LEPROT: variants seen among roughly 807,000 people sequenced by gnomAD.
LEPROT encodes the protein leptin receptor gene-related protein.
In LEPROT, 3 loss-of-function variants were observed where a neutral mutation model predicts 15.4. The ratio of observed to expected loss-of-function variants is 0.19; its 90% CI spans 0.09 to 0.50. The LOEUF (loss-of-function observed/expected upper bound fraction) is 0.50, where lower values mean the gene tolerates loss of function less well. Ranked by LOEUF, LEPROT falls within the 20% of genes least tolerant of loss-of-function variation. LEPROT has a pLI of 0.97. For synonymous variants in LEPROT, 59 were observed against 57.5 expected, an observed-to-expected ratio of 1.03 and a Z score of -0.12; for missense variants, 137 against 162.2, an observed-to-expected ratio of 0.84 and a Z score of 0.84.
At position 65,433,703 on chromosome 1, in the gene LEPROT, T is replaced by A; in HGVS notation, c.*1784T>A. On this transcript the variant is annotated 3_prime_UTR_variant, in exon 4 of 4. Coordinates refer to ENST00000371065, the MANE Select transcript of LEPROT (RefSeq NM_017526.5). Reference sequence around the variant, plus strand: ...TGTTAAAGTTGTCATTTCCAATATTTATATTAGAAAAATTATTTAGATACT... The same window carrying A: ...TGTTAAAGTTGTCATTTCCAATATTAATATTAGAAAAATTATTTAGATACT... 1.1e-6 allele frequency: 1 copy of A among 948,632 alleles called. No homozygotes were observed. Among genetic ancestry groups the A allele is most frequent in the Non-Finnish European group, 1.3e-6 (1 of 796,672 alleles). The allele number at this position is 948,632 out of a possible 1,614,324, so 58.8% of individuals were successfully genotyped here.
intron 3 of LEPROT, 121 bp from the exon 4 acceptor site, chr1:65,431,682 A>T: frequency 2.1e-6 from 2 of 967,230 alleles, no homozygotes; most frequent in South Asian, 3.3e-5. Context: ...TACATTATTA[A>T]GCCTTTTAGC....
rs1176391457 is a variant in LEPROT at position 65,432,357 on chromosome 1, G to A, written c.*438G>A. The stretch of plus-strand genomic sequence containing the variant: ...ATTAAAAGTGTGGCCCACAGACCAA[G>A]AGCCTCAACATTTCCTAGAGCCTTA... On this transcript the variant is annotated 3_prime_UTR_variant, in exon 4 of 4. Coordinates refer to ENST00000371065, the MANE Select transcript of LEPROT (RefSeq NM_017526.5). The A allele has an allele frequency of 1.0e-6, 1 of 977,804 alleles. No homozygotes were observed. The highest frequency in any genetic ancestry group is 1.2e-6 in the Non-Finnish European group (1 of 822,870). 60.6% of individuals were successfully genotyped at this position (977,804 alleles called of 1,614,324 possible).
In LEPROT at chr1:65,431,076, A is replaced by G. The variant is rs144914027; in HGVS notation, c.280-727A>G. ...CTGATTAGCAATGGTCTTGAACCCC[A>G]TGCCAGTTTGATCTTTGTCTAGATA... On this transcript the variant is annotated intron_variant, in intron 3 of 3. Transcript: ENST00000371065. 3.9e-5 allele frequency among the ~76,000 whole-genome samples: 6 copies of G among 152,326 alleles called. No homozygotes were observed. In the East Asian group the frequency reaches 9.6e-4, roughly 24 times the overall value.
Position 65,425,354 on chromosome 1 carries a change from T to G in LEPROT, c.68T>G (p.Leu23Arg). 6.2e-7 allele frequency: 1 copy of G among 1,606,266 alleles called. No homozygotes were observed. Among genetic ancestry groups the G allele is most frequent in the South Asian group, 1.1e-5 (1 of 89,200 alleles). The change falls in exon 2 of 4, where the codon CTG becomes CGG. Residue 23 changes from leucine to arginine, a missense_variant. Physicochemically the swap from Leu to Arg is moderately radical, Grantham distance 102. Transcript: ENST00000371065. ...GCTATTGGACTGACTTTTCTTATGCTGGGATGTGCCTTAGAGGATTATGGG... is the reference window on the plus strand; with the variant it reads ...GCTATTGGACTGACTTTTCTTATGCGGGGATGTGCCTTAGAGGATTATGGG... ...SGAIGLTFLM[L>R]GCALEDYGVY...
At chr1:65,425,426 C>A in intron 2 of LEPROT, 48 bp downstream of exon 2, 1 of 1,518,154 alleles carries the variant, frequency 6.6e-7, no homozygotes, top group Non-Finnish European at 9.0e-7. Flanking sequence ...GTGTCTTTGT[C>A]ACTATTAGTA....
At chr1:65,421,069 C>A (rs1441093023) in intron 1 of LEPROT, among the ~76,000 whole-genome samples, 1 of 152,352 alleles carries the variant, frequency 6.6e-6, no homozygotes, top group South Asian at 2.1e-4. Context: ...CTTCTTGACG[C>A]CACCCTAACG....
chr1:65,429,708 T>A (rs1468847617), intron 2 of LEPROT, among the ~76,000 whole-genome samples, 154 bp from the exon 3 acceptor site: 3 of 152,238 alleles, frequency 2.0e-5, no homozygotes, highest in African/African-American at 4.8e-5. Context: ...TATCTATCCC[T>A]GGTAGAAATC....
chr1:65,431,994 TTAC>T lies in LEPROT; in HGVS notation c.*78_*80del. On this transcript the variant is annotated 3_prime_UTR_variant, in exon 4 of 4. Transcript: ENST00000371065. ...TGTATACATGTGCACATGCGGCATT[TTAC>T]TATGAAATTTAATATGCTGGGTTTT... 1 of 1,494,992 alleles carries T rather than the reference TTAC, an allele frequency of 6.7e-7. No homozygotes were observed. The highest frequency in any genetic ancestry group is 8.9e-7 in the Non-Finnish European group (1 of 1,124,244). 92.6% of individuals were successfully genotyped at this position (1,494,992 alleles called of 1,614,324 possible).
rs1415527482 is a variant in LEPROT, at chr1:65,435,958, A to T, written c.*4039A>T. On this transcript the variant is annotated 3_prime_UTR_variant, in exon 4 of 4. Coordinates refer to ENST00000371065, the MANE Select transcript of LEPROT (RefSeq NM_017526.5). ...AGTGATACATGTAACCCCAAATGTG[A>T]TGTGAGAGGACGATTACTTTGTAAA... 1.0e-6 allele frequency: 1 copy of T among 985,120 alleles called. No homozygotes were observed. Among genetic ancestry groups the T allele is most frequent in the Non-Finnish European group, 1.2e-6 (1 of 829,736 alleles). 61.0% of individuals were successfully genotyped at this position (985,120 alleles called of 1,614,324 possible).
At position 65,434,697 on chromosome 1, in the gene LEPROT, C is replaced by G. The variant is rs925667026; in HGVS notation, c.*2778C>G. 8 of 985,264 alleles carry G rather than the reference C, an allele frequency of 8.1e-6. No homozygotes were observed. In the African/African-American group the frequency reaches 1.2e-4, roughly 15 times the overall value. 61.0% of individuals were successfully genotyped at this position (985,264 alleles called of 1,614,324 possible). A position where few individuals can be genotyped will look rare whatever the true frequency, so the allele number is the denominator to read the frequency against. On this transcript the variant is annotated 3_prime_UTR_variant, in exon 4 of 4. Coordinates refer to ENST00000371065, the MANE Select transcript of LEPROT (RefSeq NM_017526.5). ...AAGGTCTTTCTCCTTTTAATTTTTCCACTCATTTTCACCTCCTAATGCCCT... is the reference window on the plus strand; with the variant it reads ...AAGGTCTTTCTCCTTTTAATTTTTCGACTCATTTTCACCTCCTAATGCCCT...
rs776078871 is a variant in LEPROT at position 65,420,780 on chromosome 1, T to C, written c.16+40T>C. 1.9e-6 allele frequency: 3 copies of C among 1,567,046 alleles called. No individual in the cohort carries two copies. The South Asian group carries it at 3.5e-5, about 18-fold the overall frequency. ...CCGGCTCGCTTGTCGTGTGGTGGGG[T>C]TGCCACCTCCGTTCCGGTCAAGCCT... On this transcript the variant is annotated intron_variant, in intron 1 of 3. Coordinates refer to ENST00000371065, the MANE Select transcript of LEPROT (RefSeq NM_017526.5).
intron 2 of LEPROT, among the ~76,000 whole-genome samples, chr1:65,426,937 G>T (rs1054057749): frequency 3.3e-5 from 5 of 152,024 alleles, no homozygotes; most frequent in Admixed American, 3.3e-4. Flanking sequence ...GGTGGAGGTT[G>T]TAGTGAGCCA....
intron 2 of LEPROT, among the ~76,000 whole-genome samples, chr1:65,426,256 T>C (rs1232438276): frequency 7.5e-6 from 1 of 134,164 alleles, no homozygotes; most frequent in Non-Finnish European, 1.5e-5. Flanking sequence ...TATATAGCCT[T>C]TTCAGGAAAC....
In LEPROT at chr1:65,434,146, T is replaced by C. The variant is rs368486762; in HGVS notation, c.*2227T>C. On this transcript the variant is annotated 3_prime_UTR_variant, in exon 4 of 4. Transcript: ENST00000371065. The stretch of plus-strand genomic sequence containing the variant: ...ATAAAGTACTTGCATATAGAGTATT[T>C]GAAGTGATAGATTATTAGATTTGCT... 110 of 984,526 alleles carry C rather than the reference T, an allele frequency of 1.1e-4. No homozygotes were observed. The African/African-American group carries it at 1.8e-3, about 16-fold the overall frequency. The allele number at this position is 984,526 out of a possible 1,614,324, so 61.0% of individuals were successfully genotyped here. A position where few individuals can be genotyped will look rare whatever the true frequency, so the allele number is the denominator to read the frequency against.
rs771316511 is a variant in LEPROT at position 65,429,928 on chromosome 1, A to G, written c.159A>G (p.Lys53=). Reference sequence around the variant, plus strand: ...CCCCCATCCCCCATTTCATTGCCAAAAGAGTCACCTATGACTCAGATGCAA... The same window carrying G: ...CCCCCATCCCCCATTTCATTGCCAAGAGAGTCACCTATGACTCAGATGCAA... ...AISPIPHFIA[K]RVTYDSDATS... is the part of the protein sequence containing the mutation. Residue 53 remains lysine, a synonymous_variant, in exon 3 of 4, where the codon AAA becomes AAG. Coordinates refer to ENST00000371065, the MANE Select transcript of LEPROT (RefSeq NM_017526.5). 49 of 1,556,284 alleles carry G rather than the reference A, an allele frequency of 3.1e-5. No homozygotes were observed. The South Asian group carries it at 5.4e-4, about 17-fold the overall frequency.
rs1045016776 is a variant in LEPROT at position 65,428,983 on chromosome 1, G to A, written c.93-879G>A. ...GAGCATATTTATTTTCATGCCTTCC[G>A]TACTTAAAATTTATTTATTATTTTA... is the stretch of plus-strand genomic sequence containing the variant. On this transcript the variant is annotated intron_variant, in intron 2 of 3. Coordinates refer to ENST00000371065, the MANE Select transcript of LEPROT (RefSeq NM_017526.5). 5.3e-5 allele frequency among the ~76,000 whole-genome samples: 8 copies of A among 151,966 alleles called. No homozygotes were observed. The East Asian group carries it at 5.8e-4, about 11-fold the overall frequency.
chr1:65,426,137 G>T (rs1346032524), intron 2 of LEPROT, among the ~76,000 whole-genome samples: 1 of 133,938 alleles, frequency 7.5e-6, no homozygotes, highest in African/African-American at 3.9e-5. Flanking sequence ...GAGGTAAAAA[G>T]TGAGAAGAAA....
chr1:65,424,651 C>T (rs1646322502), intron 1 of LEPROT, among the ~76,000 whole-genome samples: 1 of 152,206 alleles, frequency 6.6e-6, no homozygotes, highest in Non-Finnish European at 1.5e-5. Context: ...TTAGTTTCCA[C>T]AGTTCTGAAG....
Position 65,434,904 on chromosome 1 carries a change from C to A in LEPROT, c.*2985C>A. On this transcript the variant is annotated 3_prime_UTR_variant, in exon 4 of 4. Transcript: ENST00000371065. ...GGTGCTGAGAAGAAAGCAGATCACA[C>A]TTCATCACAGAAAGAATGCCTTGTG... 1.0e-6 allele frequency: 1 copy of A among 985,460 alleles called. No homozygotes were observed. The highest frequency in any genetic ancestry group is 1.2e-6 in the Non-Finnish European group (1 of 829,924). The allele number at this position is 985,460 out of a possible 1,614,324, so 61.0% of individuals were successfully genotyped here.
Sources: allele counts gnomAD v4.1 joint callset (sites outside exome capture counted in the v4.1 genomes callset), GRCh38; gene constraint gnomAD v4.1.1; transcripts MANE v1.5; gene names NCBI Gene and HGNC (gene_info 2026-07-23, HGNC 2026-07-21).